The following PINX1 variants were observed in gnomAD, a reference collection of about 807,000 sequenced individuals.
The protein encoded by PINX1 is PIN2/TERF1-interacting telomerase inhibitor 1.
Under a neutral mutation model 25.4 loss-of-function variants are expected in PINX1, and 34 were observed. The observed-to-expected ratio is 1.34, with a 90% CI of 1.02 to 1.78. PINX1 has a LOEUF of 1.78. Among genes scored for constraint, PINX1 ranks in the 40% most tolerant of loss-of-function variants. The pLI, the probability that PINX1 is intolerant of heterozygous loss-of-function variation, is 0.00. For synonymous variants in PINX1, 197 were observed against 147.7 expected, an observed-to-expected ratio of 1.33 and a Z score of -2.42; for missense variants, 592 against 404.9, an observed-to-expected ratio of 1.46 and a Z score of -3.97.
rs368644447 is a variant in PINX1, at chr8:10,808,362, G to GA, written c.471+11830dup. ...CTGTAGGGAGGAGGCTTGTGAGGTG[G>GA]AGTGGCAAGGATGACTACAGAATGC... is the stretch of plus-strand genomic sequence containing the variant. On this transcript the variant is annotated intron_variant, in intron 6 of 6. Transcript: ENST00000314787. Among the ~76,000 whole-genome samples the GA allele has an allele frequency of 1.6e-3, 238 of 152,242 alleles. 2 individuals are homozygous for GA. Among genetic ancestry groups the GA allele is most frequent in the African/African-American group, 5.3e-3 (222 of 41,512 alleles).
intron 6 of PINX1, among the ~76,000 whole-genome samples, chr8:10,808,790 T>A (rs936681700): frequency 6.6e-6 from 1 of 152,188 alleles, no homozygotes; most frequent in Non-Finnish European, 1.5e-5. Context: ...AATCGGCCTA[T>A]CTGACATGAA....
chr8:10,798,146 C>G (rs963134514), intron 6 of PINX1, among the ~76,000 whole-genome samples: 5 of 152,336 alleles, frequency 3.3e-5, no homozygotes, highest in Admixed American at 2.6e-4. Context: ...GGGTAGGCTG[C>G]CTTTGAATAA....
chr8:10,810,910 C>T (rs1202431435), intron 6 of PINX1, among the ~76,000 whole-genome samples: 1 of 152,248 alleles, frequency 6.6e-6, no homozygotes, highest in East Asian at 1.9e-4. Context: ...AGCAATGACC[C>T]TGTTCACTCA....
intron 5 of PINX1, among the ~76,000 whole-genome samples, chr8:10,825,901 G>A (rs1344070802): frequency 6.6e-6 from 1 of 152,150 alleles, no homozygotes; most frequent in Non-Finnish European, 1.5e-5. Flanking sequence ...CCATTTTTTA[G>A]CTCAGCCACA....
In PINX1 at chr8:10,836,002, A is replaced by C. The variant is rs1032523047; in HGVS notation, c.20-1227T>G. Among the ~76,000 whole-genome samples the C allele has an allele frequency of 5.9e-5, 9 of 152,210 alleles. No individual in the cohort carries two copies. In the Middle Eastern group the frequency reaches 9.5e-3, roughly 161 times the overall value. ...CAAACTGAAAAGTAGACTGTGGCGA[A>C]ATGAGAAATTTGGAGGTGTCATTAT... On this transcript the variant is annotated intron_variant, in intron 1 of 6. Coordinates refer to ENST00000314787, the MANE Select transcript of PINX1 (RefSeq NM_017884.6).
chr8:10,787,472 C>CT, intron 6 of PINX1: 2 of 180,030 alleles, frequency 1.1e-5, no homozygotes, highest in Non-Finnish European at 2.3e-5. Context: ...CAAGCAATCC[C>CT]GCTTCAGCCT....
Position 10,831,788 on chromosome 8 carries a change from C to T in PINX1, c.223-45G>A, listed in dbSNP as rs767447772. The T allele has an allele frequency of 5.7e-6, 6 of 1,047,684 alleles. No individual in the cohort carries two copies. In the African/African-American group the frequency reaches 7.8e-5, roughly 14 times the overall value. The allele number at this position is 1,047,684 out of a possible 1,614,324, so 64.9% of individuals were successfully genotyped here. A position where few individuals can be genotyped will look rare whatever the true frequency, so the allele number is the denominator to read the frequency against. ...GAACGAGAGGTAAGCCTGTAGTTTA[C>T]TTACACTGACTGAGATGATACATTT... On this transcript the variant is annotated intron_variant, in intron 3 of 6. Coordinates refer to ENST00000314787, the MANE Select transcript of PINX1 (RefSeq NM_017884.6).
At chr8:10,768,368 T>C (rs189633612) in intron 6 of PINX1, among the ~76,000 whole-genome samples, 137 of 152,376 alleles carry the variant, frequency 9.0e-4, no homozygotes, top group African/African-American at 2.7e-3. Context: ...CCGGAACTAA[T>C]TGCTGGTATT....
At chr8:10,839,275 G>A (rs1238267784) in intron 1 of PINX1, among the ~76,000 whole-genome samples, 1 of 152,206 alleles carries the variant, frequency 6.6e-6, no homozygotes, top group Non-Finnish European at 1.5e-5. Flanking sequence ...TCCCATATTT[G>A]AGACTTCTAA....
chr8:10,834,415 G>A, intron 2 of PINX1: 1 of 456,404 alleles, frequency 2.2e-6, no homozygotes, highest in Non-Finnish European at 3.8e-6. Flanking sequence ...TAAATGGAAA[G>A]GGAAAAAGCG....
At chr8:10,781,849 C>A (rs1040979004) in intron 6 of PINX1, among the ~76,000 whole-genome samples, 7 of 152,140 alleles carry the variant, frequency 4.6e-5, no homozygotes, top group African/African-American at 1.7e-4. Flanking sequence ...ATACCCAAAG[C>A]AAATCAAATC....
chr8:10,776,082 A>G (rs962619442), intron 6 of PINX1, among the ~76,000 whole-genome samples: 7 of 152,178 alleles, frequency 4.6e-5, no homozygotes, highest in African/African-American at 1.4e-4. Context: ...TATAGCCTAG[A>G]TAAGTCCATA....
chr8:10,779,408 C>T (rs1320303307), intron 6 of PINX1, among the ~76,000 whole-genome samples: 3 of 152,198 alleles, frequency 2.0e-5, no homozygotes, highest in Non-Finnish European at 4.4e-5. Context: ...CTTGATTCTG[C>T]AACTAGCTGG....
At chr8:10,818,069 C>T (rs1037234927) in intron 6 of PINX1, among the ~76,000 whole-genome samples, 2 of 152,146 alleles carry the variant, frequency 1.3e-5, no homozygotes, top group African/African-American at 2.4e-5. Flanking sequence ...GCCAGGACGA[C>T]CTTGTTGAGA....
intron 6 of PINX1, among the ~76,000 whole-genome samples, chr8:10,776,035 C>G (rs573178114): frequency 3.3e-5 from 5 of 152,264 alleles, no homozygotes; most frequent in Middle Eastern, 3.4e-3. Context: ...AAATCAACAG[C>G]TACATTTTTA....
chr8:10,776,429 A>G (rs1240031427), intron 6 of PINX1, among the ~76,000 whole-genome samples: 1 of 132,134 alleles, frequency 7.6e-6, no homozygotes, highest in East Asian at 1.9e-4. Context: ...CGCTCAATAA[A>G]TAAATAAATA....
intron 6 of PINX1, among the ~76,000 whole-genome samples, chr8:10,781,066 A>T (rs972047672): frequency 1.3e-5 from 2 of 152,198 alleles, no homozygotes; most frequent in Non-Finnish European, 2.9e-5. Flanking sequence ...TAGTCAACTA[A>T]TTTTTGACAA....
At chr8:10,834,209 A>C (rs575291518) in intron 2 of PINX1, 1 of 154,276 alleles carries the variant, frequency 6.5e-6, no homozygotes, top group South Asian at 2.0e-4. Flanking sequence ...AGCAGAAGAG[A>C]CAATAGCACT....
Position 10,826,185 on chromosome 8 carries a change from T to G in PINX1, c.361A>C (p.Lys121Gln), listed in dbSNP as rs961375824. The G allele has an allele frequency of 6.3e-7, 1 of 1,594,492 alleles. No homozygotes were observed. The highest frequency in any genetic ancestry group is 8.6e-7 in the Non-Finnish European group (1 of 1,165,050). Residue 121 changes from lysine to glutamine, a missense_variant, in exon 5 of 7, where the codon AAA (lysine) becomes CAA (glutamine). By Grantham distance (53) the Lys-to-Gln change is moderately conservative. Transcript: ENST00000314787. ...AATTTCATATAGTGAACACGGTTTT[T>G]GGAGATTTTGGACTTTTCCTCAAGG... is the stretch of plus-strand genomic sequence containing the variant. ...FSLEEKSKISKNRVHYMKFTK... is the reference protein window; with the variant it reads ...FSLEEKSKISQNRVHYMKFTK...
Sources: allele counts gnomAD v4.1 joint callset (sites outside exome capture counted in the v4.1 genomes callset), GRCh38; gene constraint gnomAD v4.1.1; transcripts MANE v1.5; gene names NCBI Gene and HGNC (gene_info 2026-07-23, HGNC 2026-07-21).